Variants in ITGAL observed in about 807,000 individuals in gnomAD.
The protein encoded by ITGAL is integrin alpha-L.
A neutral mutation model predicts 138.4 loss-of-function variants in ITGAL; 68 were observed. The ratio of observed to expected loss-of-function variants is 0.49; its 90% confidence interval spans 0.40 to 0.60. The LOEUF (loss-of-function observed/expected upper bound fraction) is 0.60. Among genes scored for constraint, ITGAL ranks in the 20% least tolerant of loss-of-function variants. ITGAL has a pLI of 0.00. For missense variants in ITGAL, 1,256 were observed against 1,478.6 expected (o/e 0.85, Z 2.47); for synonymous variants, 561 against 584.3 (o/e 0.96, Z 0.57).
At chr16:30,510,301 G>A (rs576053734) in intron 21 of ITGAL, 60 bp from the exon 22 acceptor site, 3 of 956,108 alleles carry the variant, frequency 3.1e-6, no homozygotes, top group African/African-American at 3.2e-5. Flanking sequence ...AGGGCTGGTG[G>A]CCTCTGGGGG....
At chr16:30,520,019 G>A (rs751983139) in intron 30 of ITGAL, 52 bp downstream of exon 30, 4 of 1,358,776 alleles carry the variant, frequency 2.9e-6, no homozygotes, top group African/African-American at 2.9e-5. Flanking sequence ...GGCTGGGGAA[G>A]GGGATCTGGT....
At position 30,494,897 on chromosome 16, in the gene ITGAL, GATT is replaced by G; in HGVS notation, c.1503+48_1503+50del. On this transcript the variant is annotated intron_variant, in intron 13 of 30. Transcript: ENST00000356798. This position sits in a 1 kb window ranked among gnomAD's most constrained non-coding sequence, Gnocchi z 4.2. ...GAGAGGGAGGAGGGAGAGCAGCAGA[GATT>G]CGCAGCTCCCAGTTATTCTGAAGGC... 11 of 1,533,588 alleles carry G rather than the reference GATT, an allele frequency of 7.2e-6. No homozygotes were observed. The highest frequency in any genetic ancestry group is 8.8e-6 in the Non-Finnish European group (10 of 1,134,120). 95.0% of individuals were successfully genotyped at this position (1,533,588 alleles called of 1,614,324 possible). A position where few individuals can be genotyped will look rare whatever the true frequency, so the allele number is the denominator to read the frequency against.
chr16:30,498,884 G>C (rs1283031269), intron 15 of ITGAL, 190 bp from the exon 16 acceptor site: 1 of 582,424 alleles, frequency 1.7e-6, no homozygotes, highest in Admixed American at 3.1e-5. Context: ...CTGGGCAACA[G>C]GGTGAGACCC....
Position 30,521,755 on chromosome 16 carries a change from C to A in ITGAL, c.*90C>A. ...CTGCCTGCATTCTGCCGTGTGCCCT[C>A]GGGCGAGTCACTGCCTCTCCCTGGC... On this transcript the variant is annotated 3_prime_UTR_variant, in exon 31 of 31. Coordinates refer to ENST00000356798, the MANE Select transcript of ITGAL (RefSeq NM_002209.3). The A allele has an allele frequency of 3.1e-6, 4 of 1,297,114 alleles. No homozygotes were observed. The highest frequency in any genetic ancestry group is 4.3e-6 in the Non-Finnish European group (4 of 940,152). The allele number at this position is 1,297,114 out of a possible 1,614,324, so 80.4% of individuals were successfully genotyped here.
At chr16:30,512,661 C>T (rs759930717) in intron 24 of ITGAL, among the ~76,000 whole-genome samples, 6 of 151,466 alleles carry the variant, frequency 4.0e-5, no homozygotes, top group Non-Finnish European at 5.9e-5. Flanking sequence ...CAGAGAAGGA[C>T]GGGGACAGTG....
chr16:30,475,122 G>A (rs1315632369), intron 2 of ITGAL, among the ~76,000 whole-genome samples, 184 bp from the exon 3 acceptor site: 1 of 152,132 alleles, frequency 6.6e-6, no homozygotes, highest in Non-Finnish European at 1.5e-5. Flanking sequence ...GCCTCCCAAA[G>A]TACTTTGGCC....
chr16:30,496,163 G>A lies in ITGAL; in HGVS notation c.1570G>A (p.Ala524Thr). 6.2e-7 allele frequency: 1 copy of A among 1,614,128 alleles called. No homozygotes were observed. The change falls in exon 14 of 31, where the codon GCC becomes ACC. Residue 524 changes from alanine to threonine, a missense_variant. Ala to Thr is a moderately conservative substitution (Grantham distance 58, BLOSUM62 0). Around this residue, in one of 3 missense-constraint regions of ITGAL, gnomAD observed 867 missense variants for 972.5 expected, o/e 0.89. Coordinates refer to ENST00000356798, the MANE Select transcript of ITGAL (RefSeq NM_002209.3). Reference protein sequence around the residue: ...PGYPLGRFGEAITALTDINGD... With the variant: ...PGYPLGRFGETITALTDINGD... ...CTACCCACTCGGGCGGTTTGGAGAA[G>A]CCATCACTGCTCTGACAGACATCAA...
At position 30,475,544 on chromosome 16, in the gene ITGAL, G is replaced by T. The variant is rs1177218818; in HGVS notation, c.291G>T (p.Met97Ile). The change falls in exon 4 of 31, where the codon ATG becomes ATT. Residue 97 changes from methionine to isoleucine, a missense_variant. Coordinates refer to ENST00000356798, the MANE Select transcript of ITGAL (RefSeq NM_002209.3). The part of the protein sequence containing the change: ...GSNYTSKYLG[M>I]TLATDPTDGS... The stretch of plus-strand genomic sequence containing the variant: ...ACTATACCTCCAAGTACTTGGGAAT[G>T]ACCTTGGCAACAGACCCCACAGATG... 1.9e-6 allele frequency: 3 copies of T among 1,614,032 alleles called. No individual in the cohort carries two copies. Among genetic ancestry groups the T allele is most frequent in the Non-Finnish European group, 2.5e-6 (3 of 1,179,980 alleles).
At chr16:30,501,035 A>G (rs555313859) in intron 17 of ITGAL, among the ~76,000 whole-genome samples, 4 of 151,398 alleles carry the variant, frequency 2.6e-5, no homozygotes, top group Admixed American at 6.6e-5. Context: ...TTGTAGAGAC[A>G]AGGTCTTGCT....
chr16:30,475,016 G>A (rs750051870), intron 2 of ITGAL, among the ~76,000 whole-genome samples: 5 of 151,790 alleles, frequency 3.3e-5, no homozygotes, highest in Non-Finnish European at 7.4e-5. Flanking sequence ...GCACCACCAT[G>A]CTGGGCTAAT....
At position 30,500,962 on chromosome 16, in the gene ITGAL, C is replaced by A. The variant is rs1439761880; in HGVS notation, c.2145+1473C>A. Among the ~76,000 whole-genome samples, 3 of 151,838 alleles carry A rather than the reference C, an allele frequency of 2.0e-5. No homozygotes were observed. In the East Asian group the frequency reaches 5.9e-4, roughly 30 times the overall value. ...GAGGTTGCAGTGAGCCAAGATCGTG[C>A]CATTGCACTCCAGCCTGGGCAACAA... is the stretch of plus-strand genomic sequence containing the variant. On this transcript the variant is annotated intron_variant, in intron 17 of 30. Transcript: ENST00000356798.
Position 30,505,456 on chromosome 16 carries a change from C to T in ITGAL, c.2360C>T (p.Pro787Leu). The change falls in exon 20 of 31, where the codon CCT becomes CTT. Residue 787 changes from proline (P) to leucine (L), a missense_variant. By Grantham distance (98) the Pro-to-Leu change is moderately conservative (BLOSUM62 -3). Transcript: ENST00000356798. ...GCAAACTTGAGAGTGTCCTTCTCTCCTGCAAGGTCAGTAAGGCCTCCCACC... is the reference window on the plus strand; with the variant it reads ...GCAAACTTGAGAGTGTCCTTCTCTCTTGCAAGGTCAGTAAGGCCTCCCACC... ...CEANLRVSFS[P>L]ARSRALRLTA... The T allele has an allele frequency of 1.9e-6, 3 of 1,613,388 alleles. No individual in the cohort carries two copies. The highest frequency in any genetic ancestry group is 2.2e-5 in the South Asian group (2 of 91,052).
Position 30,499,332 on chromosome 16 carries a change from G to T in ITGAL, c.1994-6G>T. 6.2e-7 allele frequency: 1 copy of T among 1,614,074 alleles called. No homozygotes were observed. The highest frequency in any genetic ancestry group is 8.5e-7 in the Non-Finnish European group (1 of 1,179,996). ...ATTTAACTCTTGCCTTTTCCGCCCT[G>T]CCCAGGCCGCCTGGTTGCCAATCTC... is the stretch of plus-strand genomic sequence containing the variant. On this transcript the variant is annotated splice_polypyrimidine_tract_variant and splice_region_variant and intron_variant, in intron 16 of 30. Coordinates refer to ENST00000356798, the MANE Select transcript of ITGAL (RefSeq NM_002209.3).
At chr16:30,481,623 T>G (rs1182755132) in intron 7 of ITGAL, 39 bp downstream of exon 7, 1 of 1,602,932 alleles carries the variant, frequency 6.2e-7, no homozygotes, top group African/African-American at 1.3e-5. Flanking sequence ...GTCCTGTGAT[T>G]TGTTCTGGGT....
At chr16:30,514,263 A>AC (rs1011597864) in intron 25 of ITGAL, among the ~76,000 whole-genome samples, 1 of 147,616 alleles carries the variant, frequency 6.8e-6, no homozygotes, top group Non-Finnish European at 1.5e-5. Context: ...GGCATCCACC[A>AC]CCATGCCCAG....
At chr16:30,480,302 G>A (rs2050534881) in intron 6 of ITGAL, among the ~76,000 whole-genome samples, 1 of 152,152 alleles carries the variant, frequency 6.6e-6, no homozygotes, top group African/African-American at 2.4e-5. Flanking sequence ...CCGTAGACTG[G>A]CTCCCTTAGC....
At position 30,510,926 on chromosome 16, in the gene ITGAL, G is replaced by C. The variant is rs768201550; in HGVS notation, c.2665G>C (p.Gly889Arg). 2 of 1,614,046 alleles carry C rather than the reference G, an allele frequency of 1.2e-6. No homozygotes were observed. The highest frequency in any genetic ancestry group is 1.7e-6 in the Non-Finnish European group (2 of 1,180,002). ...MFNTLVNSSW[G>R]DSVELHANVT... The stretch of plus-strand genomic sequence containing the variant: ...TAATACACTGGTAAACAGCTCCTGG[G>C]GGGACTCGGTTGAATTGCACGCCAA... The change falls in exon 23 of 31, where the codon GGG becomes CGG. Residue 889 changes from glycine (G) to arginine (R), a missense_variant. Coordinates refer to ENST00000356798, the MANE Select transcript of ITGAL (RefSeq NM_002209.3).
intron 24 of ITGAL, among the ~76,000 whole-genome samples, chr16:30,511,838 C>A (rs543140691): frequency 6.6e-6 from 1 of 152,264 alleles, no homozygotes; most frequent in South Asian, 2.1e-4. Flanking sequence ...TACTTGAAAG[C>A]CAGACTTAAG....
At chr16:30,507,064 T>G (rs1032271887) in intron 21 of ITGAL, among the ~76,000 whole-genome samples, 3 of 152,230 alleles carry the variant, frequency 2.0e-5, no homozygotes, top group Non-Finnish European at 4.4e-5. Context: ...GGCTCACAAC[T>G]GTAATCCCAA....
Sources: gnomAD v4.1 joint callset for allele counts (sites outside exome capture counted in the v4.1 genomes callset) on GRCh38, gnomAD v4.1.1 for gene constraint, gnomAD v4.1.1 regional missense constraint, Gnocchi (gnomAD v3.1) non-coding constraint, MANE v1.5 for transcripts, NCBI Gene and HGNC (gene_info 2026-07-23, HGNC 2026-07-21) for gene names.